APBB2: variants seen among roughly 807,000 people sequenced by gnomAD.
APBB2 encodes amyloid beta precursor protein binding family B member 2.
A neutral mutation model predicts 82.5 loss-of-function variants in APBB2; 38 were observed. The observed-to-expected ratio is 0.46, with a 90% confidence interval of 0.36 to 0.60. APBB2 has a LOEUF of 0.60. APBB2 is among the 20% of genes least tolerant of loss of function. The pLI is 0.00. For synonymous variants in APBB2, 341 were observed against 368.2 expected, an observed-to-expected ratio of 0.93 and a Z score of 0.85; for missense variants, 772 against 972.3, an observed-to-expected ratio of 0.79 and a Z score of 2.74.
intron 10 of APBB2, among the ~76,000 whole-genome samples, chr4:40,927,766 T>G (rs980763703): frequency 6.6e-6 from 1 of 152,204 alleles, no homozygotes; most frequent in Non-Finnish European, 1.5e-5. Flanking sequence ...ACTTAAAGCA[T>G]GAGCCACCGC....
intron 5 of APBB2, among the ~76,000 whole-genome samples, chr4:41,032,917 T>C (rs1198038065): frequency 6.7e-6 from 1 of 149,688 alleles, no homozygotes; most frequent in Non-Finnish European, 1.5e-5. Flanking sequence ...CCCGTGTAGC[T>C]GGGACTACAG....
chr4:41,048,237 T>C (rs1724155389), intron 4 of APBB2, among the ~76,000 whole-genome samples: 1 of 152,222 alleles, frequency 6.6e-6, no homozygotes, highest in Non-Finnish European at 1.5e-5. Flanking sequence ...AAAGTTTAAA[T>C]TTTGGAGCAT....
At chr4:41,007,806 T>C (rs1360064994) in intron 6 of APBB2, among the ~76,000 whole-genome samples, 1 of 152,338 alleles carries the variant, frequency 6.6e-6, no homozygotes, top group Non-Finnish European at 1.5e-5. Context: ...CCACATACCG[T>C]GTGAAGAAGT....
At chr4:40,898,855 TCACACACACA>T (rs777366496) in intron 10 of APBB2, among the ~76,000 whole-genome samples, 6 of 118,166 alleles carry the variant, frequency 5.1e-5, no homozygotes, top group Admixed American at 2.0e-4. Context: ...ACACACACAC[TCACACACACA>T]CACACACACA....
At chr4:41,028,417 C>T (rs1275948695) in intron 5 of APBB2, among the ~76,000 whole-genome samples, 1 of 152,176 alleles carries the variant, frequency 6.6e-6, no homozygotes, top group African/African-American at 2.4e-5. Flanking sequence ...TGAGACTTGC[C>T]AGAAGGTAAG....
At chr4:41,149,366 T>TA (rs138872902) in intron 1 of APBB2, among the ~76,000 whole-genome samples, 9,095 of 152,118 alleles carry the variant, frequency 0.06, 385 homozygotes, top group Non-Finnish European at 0.088. Context: ...GTTTCTTTTT[T>TA]AAAAAAAATT....
At chr4:41,150,211 T>C (rs1293133315) in intron 1 of APBB2, among the ~76,000 whole-genome samples, 2 of 152,222 alleles carry the variant, frequency 1.3e-5, no homozygotes, top group South Asian at 4.1e-4. Context: ...TTTTCTGAAC[T>C]TAAATCCCCA....
At chr4:41,118,048 CA>C (rs772252563) in intron 2 of APBB2, 2,048 of 130,724 alleles carry the variant, frequency 0.016, 16 homozygotes, top group African/African-American at 0.018. Context: ...ATCTACAAAA[CA>C]AAACAAAAAA....
intron 6 of APBB2, among the ~76,000 whole-genome samples, chr4:41,000,304 T>G (rs894266248): frequency 6.6e-6 from 1 of 151,810 alleles, no homozygotes; most frequent in Non-Finnish European, 1.5e-5. Context: ...AAGGGCAAAG[T>G]CAAACTGGCC....
chr4:40,930,440 TGTGTGTGTGCGC>T (rs780145221), intron 10 of APBB2, among the ~76,000 whole-genome samples: 253 of 45,300 alleles, frequency 5.6e-3, no homozygotes, highest in Admixed American at 0.013. Context: ...TGTGTGTGTG[TGTGTGTGTGCGC>T]GCGCGCGCGC....
intron 5 of APBB2, among the ~76,000 whole-genome samples, chr4:41,029,713 A>C (rs1360972695): frequency 6.6e-6 from 1 of 152,226 alleles, no homozygotes; most frequent in East Asian, 1.9e-4. Context: ...GATTATAAAA[A>C]ATAAGTAAGA....
At chr4:41,005,026 G>A (rs1806314272) in intron 6 of APBB2, among the ~76,000 whole-genome samples, 1 of 152,066 alleles carries the variant, frequency 6.6e-6, no homozygotes, top group African/African-American at 2.4e-5. Flanking sequence ...AATTCCCCAT[G>A]GATGTAGAGC....
At chr4:40,974,379 C>T (rs1315631296) in intron 6 of APBB2, among the ~76,000 whole-genome samples, 1 of 152,176 alleles carries the variant, frequency 6.6e-6, no homozygotes, top group Non-Finnish European at 1.5e-5. Flanking sequence ...GAGAAATCTT[C>T]ACCACACTAT....
At chr4:40,923,414 C>T (rs1221891708) in intron 10 of APBB2, among the ~76,000 whole-genome samples, 1 of 152,236 alleles carries the variant, frequency 6.6e-6, no homozygotes, top group African/African-American at 2.4e-5. Context: ...TTCCAGATGG[C>T]CTTGGAATGC....
chr4:40,927,008 T>C lies in APBB2; in HGVS notation c.1254+7448A>G, dbSNP rs564545101. 9.5e-4 allele frequency among the ~76,000 whole-genome samples: 145 copies of C among 152,352 alleles called. No homozygotes were observed. In the Middle Eastern group the frequency reaches 0.024, roughly 25 times the overall value. ...GTTCATGGCGCTCTCTCTTTCCTTCTCCAGACTTAAATACAGATCAGACTA... is the reference window on the plus strand; with the variant it reads ...GTTCATGGCGCTCTCTCTTTCCTTCCCCAGACTTAAATACAGATCAGACTA... On this transcript the variant is annotated intron_variant, in intron 10 of 17. Coordinates refer to ENST00000508593, the MANE Select transcript of APBB2 (RefSeq NM_004307.2).
intron 3 of APBB2, among the ~76,000 whole-genome samples, chr4:41,095,682 G>A (rs1287490639): frequency 6.6e-6 from 1 of 152,178 alleles, no homozygotes; most frequent in East Asian, 1.9e-4. Context: ...GTGCTGGGTG[G>A]TTCTAAGTCC....
chr4:41,035,542 C>T (rs947757845), intron 4 of APBB2, among the ~76,000 whole-genome samples: 21 of 152,092 alleles, frequency 1.4e-4, no homozygotes, highest in Non-Finnish European at 2.9e-5. Context: ...ACATTAAATG[C>T]TATGCAGAGA....
chr4:40,997,755 C>T (rs150841233), intron 6 of APBB2, among the ~76,000 whole-genome samples: 1 of 152,320 alleles, frequency 6.6e-6, no homozygotes, highest in Non-Finnish European at 1.5e-5. Context: ...TGAAGCAAGA[C>T]AGTAGCATAA....
intron 4 of APBB2, among the ~76,000 whole-genome samples, chr4:41,061,139 G>A (rs1446993019): frequency 6.6e-6 from 1 of 152,216 alleles, no homozygotes; most frequent in African/African-American, 2.4e-5. Flanking sequence ...AGGTCTGGAA[G>A]CTATTGTAAC....
Sources: allele counts gnomAD v4.1 joint callset (sites outside exome capture counted in the v4.1 genomes callset), GRCh38; gene constraint gnomAD v4.1.1; transcripts MANE v1.5; gene names NCBI Gene and HGNC (gene_info 2026-07-23, HGNC 2026-07-21).